The following KDM5A variants were observed in gnomAD, a reference collection of about 807,000 sequenced individuals.
The protein encoded by KDM5A is lysine-specific demethylase 5A.
KDM5A carries 42 observed loss-of-function variants against 193.5 expected under a neutral mutation model. That is an observed-to-expected ratio of 0.22 (90% confidence interval 0.17 to 0.28). KDM5A has a LOEUF of 0.28. KDM5A is among the 10% of genes least tolerant of loss of function. The pLI is 1.00. For missense variants in KDM5A, 1,692 were observed against 2,055.1 expected, an observed-to-expected ratio of 0.82 and a Z score of 3.42; for synonymous variants, 796 against 718.1, an observed-to-expected ratio of 1.11 and a Z score of -1.73.
chr12:324,362 G>T, intron 14 of KDM5A, among the ~76,000 whole-genome samples: 1 of 152,186 alleles, frequency 6.6e-6, no homozygotes. Context: ...GAAGAAAATT[G>T]TAATTGGGAG....
intron 5 of KDM5A, among the ~76,000 whole-genome samples, chr12:360,792 A>G (rs1251085910): frequency 6.6e-6 from 1 of 152,206 alleles, no homozygotes; most frequent in East Asian, 1.9e-4. Context: ...AAGATGATAG[A>G]GACTTAAATA....
intron 1 of KDM5A, among the ~76,000 whole-genome samples, chr12:386,709 A>C (rs552058478): frequency 1.3e-5 from 2 of 152,330 alleles, no homozygotes; most frequent in East Asian, 3.9e-4. Flanking sequence ...AGAATAATTC[A>C]GATTTTGGAT....
chr12:315,049 A>G (rs1194034198), intron 19 of KDM5A, among the ~76,000 whole-genome samples: 10 of 152,202 alleles, frequency 6.6e-5, no homozygotes, highest in Admixed American at 6.5e-4. Flanking sequence ...GGCAGTATAG[A>G]GAATGAATTA....
At chr12:306,905 A>G (rs377057009) in intron 24 of KDM5A, 41 bp downstream of exon 24, 26 of 1,598,488 alleles carry the variant, frequency 1.6e-5, no homozygotes, top group East Asian at 2.2e-5. Context: ...AACAAACCCA[A>G]TGATCAGGTA....
chr12:285,301 T>C lies in KDM5A; in HGVS notation c.*155A>G. 1 of 654,930 alleles carries C rather than the reference T, an allele frequency of 1.5e-6. No individual in the cohort carries two copies. The highest frequency in any genetic ancestry group is 2.7e-6 in the Non-Finnish European group (1 of 365,840). 40.6% of individuals were successfully genotyped at this position (654,930 alleles called of 1,614,324 possible). The stretch of plus-strand genomic sequence containing the variant: ...TTGATAGAGAATGTAACCCACAGAG[T>C]CCATGCAAAGAGGAAGCCAGCACTA... On this transcript the variant is annotated 3_prime_UTR_variant, in exon 28 of 28. Coordinates refer to ENST00000399788, the MANE Select transcript of KDM5A (RefSeq NM_001042603.3).
Position 322,449 on chromosome 12 carries a change from A to T in KDM5A, c.2394T>A (p.Ala798=), listed in dbSNP as rs1375077842. ...VKEAETCASV[A]QLLLSKKQKH... Reference sequence around the variant, plus strand: ...TCTGCTTTTTGCTCAGAAGCAGCTGAGCCACAGAAGCACAGGTCTCAGCTT... The same window carrying T: ...TCTGCTTTTTGCTCAGAAGCAGCTGTGCCACAGAAGCACAGGTCTCAGCTT... The change falls in exon 17 of 28, where the codon GCT becomes GCA. Residue 798 remains alanine (A), a synonymous_variant. Coordinates refer to ENST00000399788, the MANE Select transcript of KDM5A (RefSeq NM_001042603.3). The T allele has an allele frequency of 6.2e-7, 1 of 1,613,406 alleles. No homozygotes were observed. The highest frequency in any genetic ancestry group is 2.2e-5 in the East Asian group (1 of 44,880).
intron 27 of KDM5A, 52 bp from the exon 28 acceptor site, chr12:285,714 G>C (rs764725382): frequency 1.3e-6 from 2 of 1,526,438 alleles, no homozygotes; most frequent in Non-Finnish European, 1.8e-6. Flanking sequence ...ATTAAGCCTA[G>C]AATAAAAGCA....
At chr12:340,917 G>C (rs1266204889) in intron 10 of KDM5A, among the ~76,000 whole-genome samples, 1 of 152,114 alleles carries the variant, frequency 6.6e-6, no homozygotes, top group East Asian at 1.9e-4. Flanking sequence ...ACGGTTATAA[G>C]CCTGCATGTC....
At chr12:366,533 C>T (rs1944358845) in intron 3 of KDM5A, among the ~76,000 whole-genome samples, 1 of 151,990 alleles carries the variant, frequency 6.6e-6, no homozygotes, top group South Asian at 2.1e-4. Context: ...ACTTACAGAA[C>T]TTAACAAAAA....
intron 2 of KDM5A, 38 bp from the exon 3 acceptor site, chr12:384,191 T>G (rs1944611946): frequency 6.7e-7 from 1 of 1,481,894 alleles, no homozygotes. Context: ...AAGTTATGAT[T>G]GAAATGAATA....
chr12:333,665 AC>A lies in KDM5A; in HGVS notation c.1491-17del. ...TGGCTCCCCCCTAGCAAAAGAAGTA[AC>A]TGTTTAGCTAGGCAGAACATGGTAC... On this transcript the variant is annotated splice_polypyrimidine_tract_variant and intron_variant, in intron 11 of 27. Transcript: ENST00000399788. 6.2e-7 allele frequency: 1 copy of A among 1,613,192 alleles called. No homozygotes were observed. Among genetic ancestry groups the A allele is most frequent in the South Asian group, 1.1e-5 (1 of 91,058 alleles).
chr12:294,352 C>T (rs944038555), intron 26 of KDM5A, among the ~76,000 whole-genome samples: 1 of 152,056 alleles, frequency 6.6e-6, no homozygotes, highest in African/African-American at 2.4e-5. Context: ...CCTAATAATT[C>T]CCTTGAGAAC....
intron 19 of KDM5A, among the ~76,000 whole-genome samples, 176 bp downstream of exon 19, chr12:317,930 A>G (rs569410052): frequency 6.6e-6 from 1 of 152,100 alleles, no homozygotes; most frequent in Non-Finnish European, 1.5e-5. Context: ...CAGGCCCTGG[A>G]TCATCAGGAA....
intron 26 of KDM5A, among the ~76,000 whole-genome samples, chr12:294,929 T>G (rs574317361): frequency 6.6e-6 from 1 of 152,350 alleles, no homozygotes; most frequent in African/African-American, 2.4e-5. Context: ...TACCATCATC[T>G]CATCAAATGA....
At chr12:289,714 CA>C (rs774919490) in intron 27 of KDM5A, among the ~76,000 whole-genome samples, 178 of 79,090 alleles carry the variant, frequency 2.3e-3, no homozygotes, top group Middle Eastern at 6.9e-3. Context: ...GACCCTGTCT[CA>C]AAAAAAAAAA....
chr12:373,920 T>C (rs1944466309), intron 3 of KDM5A, among the ~76,000 whole-genome samples: 7 of 152,236 alleles, frequency 4.6e-5, no homozygotes, highest in Admixed American at 4.6e-4. Context: ...TGAGTTCTAG[T>C]TTGATTGCAC....
At position 371,632 on chromosome 12, in the gene KDM5A, G is replaced by A. The variant is rs143500435; in HGVS notation, c.367-5528C>T. Among the ~76,000 whole-genome samples the A allele has an allele frequency of 9.5e-3, 1,445 of 152,162 alleles. 31 individuals are homozygous for A. Among genetic ancestry groups the A allele is most frequent in the African/African-American group, 0.033 (1,349 of 41,498 alleles). On this transcript the variant is annotated intron_variant, in intron 3 of 27. Transcript: ENST00000399788. ...TAATTAGATCCCATTTGTCTATTTT[G>A]GCTTTTGTTGCCATTGCTTTTGGTG...
chr12:353,793 G>A (rs925417149), intron 8 of KDM5A, among the ~76,000 whole-genome samples: 3 of 151,904 alleles, frequency 2.0e-5, no homozygotes, highest in East Asian at 1.9e-4. Context: ...GTGGTGGCTC[G>A]CGCCTGTAGT....
At chr12:288,961 C>T (rs1943254380) in intron 27 of KDM5A, among the ~76,000 whole-genome samples, 1 of 152,168 alleles carries the variant, frequency 6.6e-6, no homozygotes, top group African/African-American at 2.4e-5. Flanking sequence ...GGTAACTTAA[C>T]CTTTGCTTAT....
Sources: allele counts gnomAD v4.1 joint callset (sites outside exome capture counted in the v4.1 genomes callset), GRCh38; gene constraint gnomAD v4.1.1; transcripts MANE v1.5; gene names NCBI Gene and HGNC (gene_info 2026-07-23, HGNC 2026-07-21).